Variants in CFAP299 observed in about 807,000 individuals in gnomAD.
CFAP299 encodes the protein cilia- and flagella-associated protein 299.
CFAP299 carries 21 observed loss-of-function variants against 27.0 expected under a neutral mutation model. That is an observed-to-expected ratio of 0.78 (90% CI 0.55 to 1.12). The LOEUF (loss-of-function observed/expected upper bound fraction) is 1.12. CFAP299 is among the 50% of genes most tolerant of loss of function. The pLI, the probability that CFAP299 is intolerant of heterozygous loss-of-function variation, is 0.00. For synonymous variants in CFAP299, 104 were observed against 98.1 expected (o/e 1.06, Z -0.36); for missense variants, 310 against 276.6 (o/e 1.12, Z -0.86).
intron 3 of CFAP299, among the ~76,000 whole-genome samples, chr4:80,652,805 A>G (rs927341080): frequency 1.3e-5 from 2 of 152,024 alleles, no homozygotes; most frequent in Non-Finnish European, 2.9e-5. Context: ...TTCTCTGAAG[A>G]AATATCCTAG....
At chr4:80,528,120 T>G (rs1318953559) in intron 2 of CFAP299, among the ~76,000 whole-genome samples, 1 of 152,110 alleles carries the variant, frequency 6.6e-6, no homozygotes, top group Non-Finnish European at 1.5e-5. Context: ...CATTTTGTTG[T>G]ATCAGTGTAG....
At chr4:80,800,092 A>G (rs943812379) in intron 3 of CFAP299, among the ~76,000 whole-genome samples, 19 of 68,238 alleles carry the variant, frequency 2.8e-4, no homozygotes, top group East Asian at 9.9e-4. Flanking sequence ...ATAAATATAT[A>G]TAATATATAA....
chr4:80,845,314 C>G (rs1237225399), intron 3 of CFAP299, among the ~76,000 whole-genome samples: 2 of 149,924 alleles, frequency 1.3e-5, no homozygotes, highest in African/African-American at 5.0e-5. Flanking sequence ...TCAAGTTTTT[C>G]AGTGATGTTT....
chr4:80,799,753 TA>T (rs1728222098), intron 3 of CFAP299, among the ~76,000 whole-genome samples: 1 of 51,950 alleles, frequency 1.9e-5, no homozygotes, highest in Non-Finnish European at 3.2e-5. Context: ...TATAAATATA[TA>T]ATATATAAAT....
At chr4:80,463,722 C>T (rs1483771489) in intron 2 of CFAP299, among the ~76,000 whole-genome samples, 1 of 152,094 alleles carries the variant, frequency 6.6e-6, no homozygotes, top group East Asian at 1.9e-4. Flanking sequence ...CCATAATTTC[C>T]TCCCTAAAGG....
At chr4:80,371,089 T>A (rs940293091) in intron 2 of CFAP299, among the ~76,000 whole-genome samples, 5 of 152,306 alleles carry the variant, frequency 3.3e-5, no homozygotes, top group Non-Finnish European at 5.9e-5. Flanking sequence ...GCACTTGTAG[T>A]CCTAACACCA....
intron 2 of CFAP299, among the ~76,000 whole-genome samples, chr4:80,561,293 T>C (rs941545496): frequency 2.0e-5 from 3 of 152,136 alleles, no homozygotes; most frequent in Non-Finnish European, 1.5e-5. Context: ...ACACCTTAGA[T>C]CACAACACTC....
chr4:80,579,097 A>G (rs907590839), intron 2 of CFAP299, among the ~76,000 whole-genome samples: 1 of 152,190 alleles, frequency 6.6e-6, no homozygotes, highest in Non-Finnish European at 1.5e-5. Context: ...TCTCATATTC[A>G]AGAAGTTCAG....
At chr4:80,879,951 C>G (rs576627206) in intron 4 of CFAP299, among the ~76,000 whole-genome samples, 23 of 152,310 alleles carry the variant, frequency 1.5e-4, no homozygotes, top group Admixed American at 7.8e-4. Context: ...TCTTTACTAT[C>G]ATTCATGCAT....
chr4:80,651,771 G>A (rs907055005), intron 3 of CFAP299, among the ~76,000 whole-genome samples: 3 of 150,038 alleles, frequency 2.0e-5, no homozygotes, highest in Admixed American at 1.3e-4. Flanking sequence ...TAATAAATAG[G>A]CACAGAAGAG....
chr4:80,421,268 A>C (rs1727273891), intron 2 of CFAP299, among the ~76,000 whole-genome samples: 1 of 152,178 alleles, frequency 6.6e-6, no homozygotes. Context: ...CTATTAGATT[A>C]CAGTCTCCTT....
chr4:80,588,620 G>A (rs973357194), intron 3 of CFAP299, among the ~76,000 whole-genome samples: 2 of 150,828 alleles, frequency 1.3e-5, no homozygotes, highest in Non-Finnish European at 1.5e-5. Context: ...TTTTACATGT[G>A]TAATAAAAAG....
intron 3 of CFAP299, among the ~76,000 whole-genome samples, chr4:80,589,796 T>A (rs1736630939): frequency 6.6e-6 from 1 of 152,128 alleles, no homozygotes; most frequent in Non-Finnish European, 1.5e-5. Flanking sequence ...ACCAGTTACT[T>A]CAAATGCAAG....
Position 80,362,808 on chromosome 4 carries a change from A to G in CFAP299, c.166A>G (p.Arg56Gly). The G allele has an allele frequency of 5.0e-6, 8 of 1,613,446 alleles. No homozygotes were observed. Among genetic ancestry groups the G allele is most frequent in the Non-Finnish European group, 6.8e-6 (8 of 1,179,858 alleles). Reference sequence around the variant, plus strand: ...GCTAGGCTACCGAGGGACTGGAGAGAGAGTGAAAAGGGAAGATTTTGAAGC... The same window carrying G: ...GCTAGGCTACCGAGGGACTGGAGAGGGAGTGAAAAGGGAAGATTTTGAAGC... ...VELGYRGTGERVKREDFEARK... is the reference protein window; with the variant it reads ...VELGYRGTGEGVKREDFEARK... Residue 56 changes from arginine (R) to glycine (G), a missense_variant, in exon 2 of 6, where the codon AGA (arginine) becomes GGA (glycine). Coordinates refer to ENST00000358105, the MANE Select transcript of CFAP299 (RefSeq NM_152770.3).
At chr4:80,418,019 A>C (rs570273740) in intron 2 of CFAP299, among the ~76,000 whole-genome samples, 1 of 152,294 alleles carries the variant, frequency 6.6e-6, no homozygotes, top group African/African-American at 2.4e-5. Context: ...ATAAATTTAT[A>C]TTATTTGTAA....
intron 3 of CFAP299, among the ~76,000 whole-genome samples, chr4:80,791,868 G>C (rs1727591207): frequency 6.6e-6 from 1 of 151,612 alleles, no homozygotes; most frequent in South Asian, 2.1e-4. Flanking sequence ...ATATATATCT[G>C]TATGTTTGAA....
intron 2 of CFAP299, among the ~76,000 whole-genome samples, chr4:80,467,955 T>C (rs1047195115): frequency 8.5e-5 from 13 of 152,112 alleles, no homozygotes; most frequent in African/African-American, 3.1e-4. Flanking sequence ...GGGAAAACTA[T>C]CCCCATAATC....
intron 3 of CFAP299, among the ~76,000 whole-genome samples, chr4:80,647,037 G>A (rs1316914364): frequency 6.6e-6 from 1 of 151,402 alleles, no homozygotes; most frequent in Non-Finnish European, 1.5e-5. Flanking sequence ...TAGGTAAATA[G>A]ATATAGATGT....
intron 3 of CFAP299, chr4:80,790,573 TCTCTCTCTTTTC>T (rs1727501776): frequency 6.6e-6 from 1 of 151,388 alleles, no homozygotes; most frequent in African/African-American, 2.4e-5. Flanking sequence ...GCTAGCTAAC[TCTCTCTCTTTTC>T]ATCAGGTAAG....
Sources: allele counts gnomAD v4.1 joint callset (sites outside exome capture counted in the v4.1 genomes callset), GRCh38; gene constraint gnomAD v4.1.1; transcripts MANE v1.5; gene names NCBI Gene and HGNC (gene_info 2026-07-23, HGNC 2026-07-21).